The following GRID2 variants were observed in gnomAD, a reference collection of about 807,000 sequenced individuals.
GRID2 encodes glutamate ionotropic receptor delta type subunit 2.
Under a neutral mutation model 114.8 loss-of-function variants are expected in GRID2, and 33 were observed. The ratio of observed to expected loss-of-function variants is 0.29; its 90% confidence interval spans 0.22 to 0.38. The LOEUF (loss-of-function observed/expected upper bound fraction) is 0.38. Ranked by LOEUF, GRID2 falls within the 10% of genes least tolerant of loss-of-function variation. The pLI is 1.00. For missense variants in GRID2, 1,184 were observed against 1,257.7 expected, an observed-to-expected ratio of 0.94 and a Z score of 0.89; for synonymous variants, 505 against 449.9, an observed-to-expected ratio of 1.12 and a Z score of -1.55.
intron 2 of GRID2, among the ~76,000 whole-genome samples, chr4:92,943,938 T>C (rs562245392): frequency 1.8e-3 from 272 of 152,312 alleles, no homozygotes; most frequent in Non-Finnish European, 3.1e-3. Context: ...TGATTGTTCC[T>C]CTGGAAGTTT....
chr4:92,773,467 CAT>C (rs1738632221), intron 2 of GRID2, among the ~76,000 whole-genome samples: 1 of 152,016 alleles, frequency 6.6e-6, no homozygotes, highest in African/African-American at 2.4e-5. Context: ...TATAAACAAA[CAT>C]AAACTTTTAG....
chr4:92,370,361 A>G (rs1242517944), intron 1 of GRID2, among the ~76,000 whole-genome samples: 1 of 152,164 alleles, frequency 6.6e-6, no homozygotes, highest in Non-Finnish European at 1.5e-5. Context: ...TTTTGAAATT[A>G]GACCAATTGG....
chr4:93,112,545 A>G (rs1295910352), intron 4 of GRID2, among the ~76,000 whole-genome samples: 7 of 152,102 alleles, frequency 4.6e-5, no homozygotes, highest in Non-Finnish European at 5.9e-5. Flanking sequence ...CATGACTGTA[A>G]GTTTCCTGAA....
chr4:93,068,619 T>C (rs1316242970), intron 2 of GRID2, among the ~76,000 whole-genome samples: 3 of 151,986 alleles, frequency 2.0e-5, no homozygotes, highest in Non-Finnish European at 2.9e-5. Context: ...AGAAATGTTA[T>C]TTCTAGAGAC....
In GRID2 at chr4:92,819,707, C is replaced by T. The variant is rs1057013538; in HGVS notation, c.244+229421C>T. Among the ~76,000 whole-genome samples, 48 of 152,204 alleles carry T rather than the reference C, an allele frequency of 3.2e-4. 1 individual carries two copies. The South Asian group carries it at 4.8e-3, about 15-fold the overall frequency. On this transcript the variant is annotated intron_variant, in intron 2 of 15. Coordinates refer to ENST00000282020, the MANE Select transcript of GRID2 (RefSeq NM_001510.4). ...CCAACTGCAGGAAAGGATATTACTA[C>T]GACAGCATAGGTGACAAAAACAAAT...
intron 8 of GRID2, among the ~76,000 whole-genome samples, chr4:93,349,260 C>T (rs1009760370): frequency 1.3e-5 from 2 of 151,946 alleles, no homozygotes; most frequent in South Asian, 2.1e-4. Flanking sequence ...AAGTCAAATG[C>T]GTAGTTTGCC....
At position 93,344,441 on chromosome 4, in the gene GRID2, G is replaced by A. The variant is rs1759981696; in HGVS notation, c.1246-51166G>A. The stretch of plus-strand genomic sequence containing the variant: ...TTTTTTCCCCCCTCAGCTTTATTAA[G>A]GTAAAATTGACAAATAAAAATTGTA... On this transcript the variant is annotated intron_variant, in intron 8 of 15. Transcript: ENST00000282020. Among the ~76,000 whole-genome samples the A allele has an allele frequency of 2.6e-5, 4 of 151,292 alleles. No individual in the cohort carries two copies. In the South Asian group the frequency reaches 8.3e-4, roughly 31 times the overall value.
At chr4:92,990,283 G>GTATATATATATATATATA (rs768992597) in intron 2 of GRID2, among the ~76,000 whole-genome samples, 1 of 49,124 alleles carries the variant, frequency 2.0e-5, no homozygotes, top group East Asian at 4.4e-4. Flanking sequence ...GTAGATATGT[G>GTATATATATATATATATA]TGTGTATATA....
intron 2 of GRID2, among the ~76,000 whole-genome samples, chr4:93,007,816 G>A (rs1231350875): frequency 6.6e-6 from 1 of 151,950 alleles, no homozygotes; most frequent in East Asian, 1.9e-4. Context: ...TGGGCCCAGT[G>A]GATCACTTGA....
chr4:93,768,233 AAGCTG>A (rs1733829701), intron 14 of GRID2, among the ~76,000 whole-genome samples: 2 of 152,186 alleles, frequency 1.3e-5, no homozygotes, highest in Non-Finnish European at 2.9e-5. Flanking sequence ...GAAGAGCACT[AAGCTG>A]TTTGGCCAGG....
At chr4:92,486,547 T>TCTCACA (rs543022809) in intron 1 of GRID2, among the ~76,000 whole-genome samples, 2 of 137,074 alleles carry the variant, frequency 1.5e-5, no homozygotes, top group East Asian at 2.1e-4. Context: ...TCTCTCTCTT[T>TCTCACA]CACACACACA....
intron 8 of GRID2, among the ~76,000 whole-genome samples, chr4:93,356,724 AAGAC>A (rs919133182): frequency 8.6e-5 from 13 of 152,022 alleles, no homozygotes; most frequent in East Asian, 1.9e-4. Flanking sequence ...TTGTACAAGA[AAGAC>A]AGAAATCACT....
chr4:92,857,274 A>C (rs751494996), intron 2 of GRID2, among the ~76,000 whole-genome samples: 3 of 152,206 alleles, frequency 2.0e-5, no homozygotes, highest in Non-Finnish European at 4.4e-5. Context: ...AAAGGCTAGA[A>C]ATAATTAAGC....
At chr4:93,450,918 C>T (rs1722628197) in intron 10 of GRID2, among the ~76,000 whole-genome samples, 1 of 151,782 alleles carries the variant, frequency 6.6e-6, no homozygotes, top group Admixed American at 6.6e-5. Context: ...TAATTATTGA[C>T]ATAATTATTC....
At chr4:92,745,425 A>G (rs934411383) in intron 2 of GRID2, among the ~76,000 whole-genome samples, 6 of 152,210 alleles carry the variant, frequency 3.9e-5, no homozygotes, top group Admixed American at 3.9e-4. Context: ...GGCATATTGT[A>G]TAGACACACA....
intron 2 of GRID2, among the ~76,000 whole-genome samples, chr4:92,750,232 G>A (rs940840843): frequency 6.6e-6 from 1 of 152,094 alleles, no homozygotes; most frequent in African/African-American, 2.4e-5. Context: ...TTCCCCTTGG[G>A]AACTCTAGCT....
At chr4:93,511,015 C>T (rs1729110472) in intron 12 of GRID2, among the ~76,000 whole-genome samples, 1 of 152,160 alleles carries the variant, frequency 6.6e-6, no homozygotes, top group Non-Finnish European at 1.5e-5. Flanking sequence ...CAGCTCACTG[C>T]AACCTCCGCC....
chr4:92,740,446 T>A (rs573489739), intron 2 of GRID2, among the ~76,000 whole-genome samples: 1 of 152,154 alleles, frequency 6.6e-6, no homozygotes. Flanking sequence ...AATGTCTGAA[T>A]CTCTAAATCA....
chr4:92,698,061 A>G (rs1734503571), intron 2 of GRID2, among the ~76,000 whole-genome samples: 1 of 152,186 alleles, frequency 6.6e-6, no homozygotes, highest in Non-Finnish European at 1.5e-5. Context: ...ATGCATAGTA[A>G]CAAACCTCAG....
Sources: allele counts gnomAD v4.1 joint callset (sites outside exome capture counted in the v4.1 genomes callset), GRCh38; gene constraint gnomAD v4.1.1; transcripts MANE v1.5; gene names NCBI Gene and HGNC (gene_info 2026-07-23, HGNC 2026-07-21).